The following PTS variants were observed in gnomAD, a reference collection of about 807,000 sequenced individuals.
PTS encodes 6-pyruvoyl tetrahydrobiopterin synthase.
PTS carries 23 observed loss-of-function variants against 20.6 expected under a neutral mutation model. The ratio of observed to expected loss-of-function variants is 1.12; its 90% CI spans 0.80 to 1.58. The LOEUF (loss-of-function observed/expected upper bound fraction) is 1.58. Among genes scored for constraint, PTS ranks in the 40% most tolerant of loss-of-function variants. The pLI is 0.00. For synonymous variants in PTS, 65 were observed against 62.5 expected (o/e 1.04, Z -0.19); for missense variants, 186 against 182.4 (o/e 1.02, Z -0.11).
intron 2 of PTS, 48 bp from the exon 3 acceptor site, chr11:112,230,160 C>A (rs991832713): frequency 1.9e-6 from 3 of 1,566,772 alleles, no homozygotes; most frequent in Non-Finnish European, 2.6e-6. Context: ...GGATGTTGAT[C>A]TGTTGAAAGT....
At chr11:112,226,604 G>T (rs1008735222) in intron 1 of PTS, 78 bp downstream of exon 1, 2 of 1,341,840 alleles carry the variant, frequency 1.5e-6, no homozygotes, top group East Asian at 3.2e-5. Flanking sequence ...GCCGGCGGGC[G>T]TGCTGACGTC....
intron 4 of PTS, 76 bp downstream of exon 4, chr11:112,230,758 A>C: frequency 1.6e-6 from 2 of 1,229,244 alleles, no homozygotes; most frequent in Non-Finnish European, 2.4e-6. Flanking sequence ...TACCTCCCCA[A>C]CCAGTTATCT....
rs762289749 is a variant in PTS at position 112,233,964 on chromosome 11, T to G, written c.*409T>G. ...GAATCTTAAAGAAATAAAATTCAAG[T>G]GACCACAAAGTCTGGAGACAATATA... On this transcript the variant is annotated 3_prime_UTR_variant, in exon 6 of 6. Coordinates refer to ENST00000280362, the MANE Select transcript of PTS (RefSeq NM_000317.3). 1.2e-5 allele frequency: 2 copies of G among 161,580 alleles called. No individual in the cohort carries two copies. Among genetic ancestry groups the G allele is most frequent in the Non-Finnish European group, 2.7e-5 (2 of 73,514 alleles). The allele number at this position is 161,580 out of a possible 1,614,324, so 10.0% of individuals were successfully genotyped here. A position where few individuals can be genotyped will look rare whatever the true frequency, so the allele number is the denominator to read the frequency against.
At position 112,226,437 on chromosome 11, in the gene PTS, C is replaced by G; in HGVS notation, c.-7C>G. 1 of 1,575,474 alleles carries G rather than the reference C, an allele frequency of 6.3e-7. No individual in the cohort carries two copies. Among genetic ancestry groups the G allele is most frequent in the Non-Finnish European group, 8.6e-7 (1 of 1,162,510 alleles). ...GCCGGCCGAGCACCGCAGACAGCGC[C>G]GGGAAGATGAGCACGGAAGGTGGTG... On this transcript the variant is annotated 5_prime_UTR_variant, in exon 1 of 6. Transcript: ENST00000280362.
intron 4 of PTS, among the ~76,000 whole-genome samples, chr11:112,232,011 C>T (rs1859944710): frequency 6.6e-6 from 1 of 152,054 alleles, no homozygotes; most frequent in African/African-American, 2.4e-5. Flanking sequence ...CATAAAAGGC[C>T]TCAACATATG....
chr11:112,227,424 G>C (rs888949447), intron 1 of PTS, among the ~76,000 whole-genome samples: 3 of 152,156 alleles, frequency 2.0e-5, no homozygotes, highest in Non-Finnish European at 4.4e-5. Context: ...AATACAAGAA[G>C]TGGCTGAGCA....
intron 4 of PTS, among the ~76,000 whole-genome samples, chr11:112,232,283 C>T (rs1859948781): frequency 6.6e-6 from 1 of 152,168 alleles, no homozygotes; most frequent in Non-Finnish European, 1.5e-5. Flanking sequence ...GCATAAGAGG[C>T]TTTAATGGAG....
intron 3 of PTS, 197 bp downstream of exon 3, chr11:112,230,427 C>T: frequency 2.5e-6 from 2 of 805,264 alleles, no homozygotes; most frequent in Non-Finnish European, 4.3e-6. Context: ...TGTATGTGGA[C>T]AGGTAGAAGG....
intron 4 of PTS, among the ~76,000 whole-genome samples, chr11:112,232,000 A>G (rs1181363362): frequency 1.3e-5 from 2 of 152,164 alleles, no homozygotes; most frequent in African/African-American, 2.4e-5. Context: ...CAAGACAGCA[A>G]CATAAAAGGC....
At chr11:112,229,685 C>T (rs1304093952) in intron 2 of PTS, among the ~76,000 whole-genome samples, 1 of 152,168 alleles carries the variant, frequency 6.6e-6, no homozygotes, top group Non-Finnish European at 1.5e-5. Flanking sequence ...AGCCACCACG[C>T]CTGGCCAAGA....
chr11:112,228,785 C>A, intron 2 of PTS, 112 bp downstream of exon 2: 1 of 961,378 alleles, frequency 1.0e-6, no homozygotes, highest in African/African-American at 1.6e-5. Flanking sequence ...ATGCTTTGAG[C>A]CTTGAATGAG....
Position 112,226,465 on chromosome 11 carries a change from C to G in PTS, c.22C>G (p.Arg8Gly). Residue 8 changes from arginine (R) to glycine (G), a missense_variant, in exon 1 of 6, where the codon CGT becomes GGT. Coordinates refer to ENST00000280362, the MANE Select transcript of PTS (RefSeq NM_000317.3). ...GAAGATGAGCACGGAAGGTGGTGGCCGTCGCTGCCAGGCACAAGTGTCCCG... is the reference window on the plus strand; with the variant it reads ...GAAGATGAGCACGGAAGGTGGTGGCGGTCGCTGCCAGGCACAAGTGTCCCG... MSTEGGGRRCQAQVSRRI... is the reference protein window; with the variant it reads MSTEGGGGRCQAQVSRRI... The G allele has an allele frequency of 1.3e-6, 2 of 1,580,956 alleles. No individual in the cohort carries two copies. Among genetic ancestry groups the G allele is most frequent in the Non-Finnish European group, 1.7e-6 (2 of 1,165,686 alleles).
intron 5 of PTS, 37 bp from the exon 6 acceptor site, chr11:112,233,395 T>C: frequency 6.4e-7 from 1 of 1,573,322 alleles, no homozygotes; most frequent in Non-Finnish European, 8.6e-7. Flanking sequence ...TTGTTTGCAT[T>C]TTGAATTTTT....
At chr11:112,226,580 G>A in intron 1 of PTS, 54 bp downstream of exon 1, 1 of 1,456,224 alleles carries the variant, frequency 6.9e-7, no homozygotes, top group Non-Finnish European at 9.2e-7. Flanking sequence ...GCCCCGGAAC[G>A]TCACCGGGGC....
intron 5 of PTS, 23 bp from the exon 6 acceptor site, chr11:112,233,409 G>A: frequency 1.9e-6 from 3 of 1,584,758 alleles, no homozygotes; most frequent in Non-Finnish European, 2.6e-6. Flanking sequence ...AATTTTTTTT[G>A]TTTTTGTTTT....
chr11:112,230,300 C>G, intron 3 of PTS, 70 bp downstream of exon 3: 1 of 1,538,690 alleles, frequency 6.5e-7, no homozygotes, highest in Non-Finnish European at 9.0e-7. Flanking sequence ...GTGGTGGATT[C>G]TGTGTTGAAA....
intron 2 of PTS, 150 bp from the exon 3 acceptor site, chr11:112,230,058 T>C (rs1859910152): frequency 2.6e-6 from 2 of 780,188 alleles, no homozygotes; most frequent in South Asian, 3.1e-5. Flanking sequence ...AAATAACAGA[T>C]GTTTTGGGGT....
chr11:112,228,873 C>G, intron 2 of PTS, 200 bp downstream of exon 2: 1 of 611,196 alleles, frequency 1.6e-6, no homozygotes, highest in South Asian at 2.0e-5. Context: ...GCAATGTCAA[C>G]TCTTACAAAC....
At chr11:112,227,114 G>A (rs561659959) in intron 1 of PTS, among the ~76,000 whole-genome samples, 2 of 151,684 alleles carry the variant, frequency 1.3e-5, no homozygotes, top group Non-Finnish European at 2.9e-5. Context: ...GCATAGTTGG[G>A]ATTTGAATCC....
Sources: gnomAD v4.1 joint callset for allele counts (sites outside exome capture counted in the v4.1 genomes callset) on GRCh38, gnomAD v4.1.1 for gene constraint, MANE v1.5 for transcripts, NCBI Gene and HGNC (gene_info 2026-07-23, HGNC 2026-07-21) for gene names.